The following SHB variants were observed in gnomAD, a reference collection of about 807,000 sequenced individuals.
SHB encodes SH2 domain containing adaptor protein B.
Under a neutral mutation model 52.3 loss-of-function variants are expected in SHB, and 20 were observed. The observed-to-expected ratio is 0.38, with a 90% CI of 0.27 to 0.56. SHB has a LOEUF of 0.56. Ranked by LOEUF, SHB falls within the 20% of genes least tolerant of loss-of-function variation. The pLI, the probability that SHB is intolerant of heterozygous loss-of-function variation, is 0.71. For missense variants in SHB, 825 were observed against 723.3 expected (o/e 1.14, Z -1.61); for synonymous variants, 397 against 316.5 (o/e 1.25, Z -2.70).
intron 2 of SHB, among the ~76,000 whole-genome samples, chr9:38,007,131 T>C (rs1169894544): frequency 6.6e-6 from 1 of 152,200 alleles, no homozygotes; most frequent in East Asian, 1.9e-4. Flanking sequence ...ACATGGCAGG[T>C]GCTCACAAAT....
intron 2 of SHB, among the ~76,000 whole-genome samples, chr9:37,976,363 C>T (rs775218162): frequency 1.3e-5 from 2 of 152,148 alleles, no homozygotes; most frequent in African/African-American, 2.4e-5. Context: ...CCATGATTAA[C>T]GTACAGTTCA....
At chr9:38,008,241 C>G (rs1411974173) in intron 2 of SHB, among the ~76,000 whole-genome samples, 1 of 152,088 alleles carries the variant, frequency 6.6e-6, no homozygotes, top group South Asian at 2.1e-4. Flanking sequence ...AGAGGGGAGC[C>G]GGGGTGAGAG....
chr9:38,020,176 G>A (rs1369458229), intron 1 of SHB, among the ~76,000 whole-genome samples: 1 of 152,198 alleles, frequency 6.6e-6, no homozygotes, highest in Non-Finnish European at 1.5e-5. Flanking sequence ...TTTCAAACAA[G>A]GAGAACCTAT....
intron 1 of SHB, among the ~76,000 whole-genome samples, chr9:38,060,280 T>C (rs778251123): frequency 1.6e-4 from 25 of 152,282 alleles, no homozygotes; most frequent in Non-Finnish European, 3.4e-4. Context: ...GTTCAAGCAA[T>C]TCTCCCACCT....
Position 37,919,781 on chromosome 9 carries a change from G to A in SHB, c.*40C>T. 6.4e-7 allele frequency: 1 copy of A among 1,571,712 alleles called. No homozygotes were observed. The highest frequency in any genetic ancestry group is 8.7e-7 in the Non-Finnish European group (1 of 1,146,016). On this transcript the variant is annotated 3_prime_UTR_variant, in exon 6 of 6. Coordinates refer to ENST00000377707, the MANE Select transcript of SHB (RefSeq NM_003028.3). ...GGTGGGGGGCCTCTGGCACCTCCAA[G>A]TCTCAGGCTCTGTCACAGAGCAGGG...
intron 5 of SHB, among the ~76,000 whole-genome samples, chr9:37,942,155 C>A (rs776015): frequency 0.55 from 84,052 of 152,074 alleles, 23,396 homozygotes; most frequent in Middle Eastern, 0.64. Flanking sequence ...CCCTGTTACA[C>A]CCACCCAACC....
intron 2 of SHB, among the ~76,000 whole-genome samples, chr9:38,002,825 A>G (rs536206836): frequency 6.6e-6 from 1 of 152,342 alleles, no homozygotes; most frequent in South Asian, 2.1e-4. Context: ...AGGACCCTGC[A>G]TCAAGTTCCC....
intron 2 of SHB, among the ~76,000 whole-genome samples, chr9:37,985,159 G>C (rs1159409431): frequency 6.6e-6 from 1 of 152,246 alleles, no homozygotes; most frequent in Non-Finnish European, 1.5e-5. Context: ...CACCTTAGGA[G>C]CAGAGCAGGG....
At chr9:37,969,345 C>A (rs949106305) in intron 3 of SHB, among the ~76,000 whole-genome samples, 1 of 152,140 alleles carries the variant, frequency 6.6e-6, no homozygotes, top group African/African-American at 2.4e-5. Context: ...CTCATGGGAC[C>A]TTAGCTTCCT....
At chr9:37,985,678 G>C (rs889468212) in intron 2 of SHB, among the ~76,000 whole-genome samples, 6 of 152,226 alleles carry the variant, frequency 3.9e-5, no homozygotes, top group Non-Finnish European at 8.8e-5. Context: ...TAGGCAAGTG[G>C]GGTGCCTGTT....
chr9:37,953,171 C>T (rs1180853321), intron 4 of SHB, among the ~76,000 whole-genome samples: 2 of 151,916 alleles, frequency 1.3e-5, no homozygotes, highest in Non-Finnish European at 2.9e-5. Context: ...CAGAGGGGGT[C>T]GTCTGGGGAC....
At chr9:38,033,202 A>G (rs148501332) in intron 1 of SHB, among the ~76,000 whole-genome samples, 3 of 152,290 alleles carry the variant, frequency 2.0e-5, no homozygotes, top group Non-Finnish European at 2.9e-5. Context: ...ATCACCCTCA[A>G]AGCAGGTGCT....
At chr9:38,013,286 C>A (rs1199181824) in intron 2 of SHB, among the ~76,000 whole-genome samples, 1 of 152,208 alleles carries the variant, frequency 6.6e-6, no homozygotes, top group Non-Finnish European at 1.5e-5. Context: ...AATTGCCCTG[C>A]CTTGGACCTA....
intron 3 of SHB, among the ~76,000 whole-genome samples, chr9:37,963,095 T>C (rs1832711640): frequency 6.6e-6 from 1 of 152,012 alleles, no homozygotes; most frequent in Non-Finnish European, 1.5e-5. Flanking sequence ...CCGGCGGAGG[T>C]GCAGTGAGAG....
intron 3 of SHB, among the ~76,000 whole-genome samples, chr9:37,970,435 A>G (rs1330090466): frequency 2.6e-5 from 4 of 152,212 alleles, no homozygotes; most frequent in Non-Finnish European, 4.4e-5. Context: ...CAGCCTGATG[A>G]GATGGGAAGG....
intron 2 of SHB, among the ~76,000 whole-genome samples, chr9:37,977,950 C>G (rs781627036): frequency 2.0e-5 from 3 of 152,174 alleles, no homozygotes; most frequent in Non-Finnish European, 2.9e-5. Context: ...GATGTACTTC[C>G]CGTCGGGCCC....
At chr9:37,924,757 A>T (rs928351161) in intron 5 of SHB, among the ~76,000 whole-genome samples, 1 of 152,232 alleles carries the variant, frequency 6.6e-6, no homozygotes, top group African/African-American at 2.4e-5. Flanking sequence ...TTTAAACTGT[A>T]GAGCAAACAA....
At chr9:37,965,639 G>A (rs925787868) in intron 3 of SHB, among the ~76,000 whole-genome samples, 2 of 149,830 alleles carry the variant, frequency 1.3e-5, no homozygotes, top group East Asian at 2.0e-4. Flanking sequence ...TGAGTGGCAC[G>A]ATTTCGGCTG....
At chr9:37,927,944 TTCTC>T (rs199776018) in intron 5 of SHB, among the ~76,000 whole-genome samples, 2,533 of 151,008 alleles carry the variant, frequency 0.017, 25 homozygotes, top group Middle Eastern at 0.034. Context: ...CTCTTTCTCT[TTCTC>T]TCTTTTTTTT....
Sources: allele counts gnomAD v4.1 joint callset (sites outside exome capture counted in the v4.1 genomes callset), GRCh38; gene constraint gnomAD v4.1.1; transcripts MANE v1.5; gene names NCBI Gene and HGNC (gene_info 2026-07-23, HGNC 2026-07-21).